The following AMBRA1 variants were observed in gnomAD, a reference collection of about 807,000 sequenced individuals.
AMBRA1 encodes autophagy and beclin 1 regulator 1, also known as activating molecule in BECN1-regulated autophagy protein 1.
AMBRA1 carries 47 observed loss-of-function variants against 125.4 expected under a neutral mutation model. That is an observed-to-expected ratio of 0.37 (90% CI 0.30 to 0.48). AMBRA1 has a LOEUF of 0.48. Among genes scored for constraint, AMBRA1 ranks in the 20% least tolerant of loss-of-function variants. The pLI is 0.99. For synonymous variants in AMBRA1, 626 were observed against 655.5 expected (o/e 0.95, Z 0.69); for missense variants, 1,331 against 1,693.4 (o/e 0.79, Z 3.76).
intron 14 of AMBRA1, among the ~76,000 whole-genome samples, chr11:46,425,373 C>T (rs916131615): frequency 2.0e-5 from 3 of 146,864 alleles, no homozygotes; most frequent in Non-Finnish European, 4.5e-5. Context: ...TTTCTCTGTT[C>T]AGGACAGGGA....
At chr11:46,414,689 C>G (rs550108681) in intron 15 of AMBRA1, among the ~76,000 whole-genome samples, 94 of 152,168 alleles carry the variant, frequency 6.2e-4, no homozygotes, top group African/African-American at 2.2e-3. Flanking sequence ...ACAGCAGCAG[C>G]TTGGGCAGAG....
chr11:46,420,670 T>C (rs1291853053), intron 14 of AMBRA1, among the ~76,000 whole-genome samples: 2 of 152,154 alleles, frequency 1.3e-5, no homozygotes, highest in Non-Finnish European at 2.9e-5. Context: ...ATCTGTTTAG[T>C]TTTCCTTCTC....
intron 11 of AMBRA1, among the ~76,000 whole-genome samples, chr11:46,482,749 G>A (rs956182091): frequency 4.6e-5 from 7 of 152,086 alleles, no homozygotes; most frequent in African/African-American, 1.4e-4. Context: ...AGTGGCTCAC[G>A]CCTGTAATCC....
At chr11:46,477,827 G>A (rs866110344) in intron 11 of AMBRA1, among the ~76,000 whole-genome samples, 1 of 152,110 alleles carries the variant, frequency 6.6e-6, no homozygotes. Flanking sequence ...TGTAATCCCA[G>A]CACTTTGGGA....
chr11:46,441,479 C>T (rs1376496393), intron 12 of AMBRA1, among the ~76,000 whole-genome samples: 3 of 152,062 alleles, frequency 2.0e-5, no homozygotes, highest in Admixed American at 2.0e-4. Context: ...CATGCGACTG[C>T]ACCCCAGCCT....
At chr11:46,467,722 T>C (rs1376604372) in intron 11 of AMBRA1, among the ~76,000 whole-genome samples, 2 of 152,034 alleles carry the variant, frequency 1.3e-5, no homozygotes, top group Non-Finnish European at 2.9e-5. Context: ...TTAGTAGAGA[T>C]GGGATTTCAC....
At chr11:46,576,877 G>A (rs936024033) in intron 1 of AMBRA1, among the ~76,000 whole-genome samples, 1 of 152,306 alleles carries the variant, frequency 6.6e-6, no homozygotes, top group Non-Finnish European at 1.5e-5. Context: ...AAGATGATAG[G>A]AAGTTAAAAC....
intron 17 of AMBRA1, among the ~76,000 whole-genome samples, chr11:46,406,743 G>A (rs1411796612): frequency 6.6e-6 from 1 of 151,888 alleles, no homozygotes. Flanking sequence ...TTAGTTGGGA[G>A]TGGTGGCAGG....
chr11:46,537,528 C>T (rs1952535558), intron 7 of AMBRA1, among the ~76,000 whole-genome samples: 1 of 152,158 alleles, frequency 6.6e-6, no homozygotes, highest in Non-Finnish European at 1.5e-5. Context: ...CGCAAGGAGC[C>T]ACAATACCCT....
At chr11:46,546,328 C>A (rs182914460) in intron 4 of AMBRA1, among the ~76,000 whole-genome samples, 5 of 152,188 alleles carry the variant, frequency 3.3e-5, no homozygotes, top group African/African-American at 1.2e-4. Flanking sequence ...GCGTGAGCCA[C>A]CGCGCCCAGC....
intron 1 of AMBRA1, among the ~76,000 whole-genome samples, chr11:46,577,515 T>C (rs1197221501): frequency 6.6e-6 from 1 of 152,058 alleles, no homozygotes; most frequent in Admixed American, 6.6e-5. Flanking sequence ...TTTGCAGAGA[T>C]GGTAATGTTT....
intron 12 of AMBRA1, 35 bp downstream of exon 12, chr11:46,443,453 C>T: frequency 3.9e-6 from 6 of 1,552,254 alleles, no homozygotes; most frequent in Non-Finnish European, 5.3e-6. Context: ...CAAATATAAC[C>T]CTTCCACTGA....
chr11:46,451,325 C>T (rs2136788417), intron 11 of AMBRA1, among the ~76,000 whole-genome samples: 1 of 152,300 alleles, frequency 6.6e-6, no homozygotes, highest in African/African-American at 2.4e-5. Context: ...CAGAATGTGT[C>T]TAGGGATAAA....
intron 15 of AMBRA1, among the ~76,000 whole-genome samples, chr11:46,416,000 G>A (rs574001855): frequency 2.0e-5 from 3 of 152,338 alleles, no homozygotes; most frequent in Admixed American, 6.5e-5. Context: ...CAAACTGGGT[G>A]TAGATTATTT....
chr11:46,553,469 A>G (rs1031067769), intron 1 of AMBRA1, among the ~76,000 whole-genome samples: 1 of 151,952 alleles, frequency 6.6e-6, no homozygotes, highest in Non-Finnish European at 1.5e-5. Context: ...AAGTTTGGCC[A>G]GGTGCAGTGG....
chr11:46,469,418 A>G (rs1949477618), intron 11 of AMBRA1, among the ~76,000 whole-genome samples: 1 of 152,184 alleles, frequency 6.6e-6, no homozygotes, highest in Admixed American at 6.5e-5. Context: ...AGACTGTAAA[A>G]GAAACATTGG....
At chr11:46,443,467 C>A (rs899833288) in intron 12 of AMBRA1, 21 bp downstream of exon 12, 1 of 1,586,182 alleles carries the variant, frequency 6.3e-7, no homozygotes, top group Non-Finnish European at 8.7e-7. Context: ...CCACTGATAC[C>A]CCCATTTGAC....
rs1457348877 is a variant in AMBRA1 at position 46,420,676 on chromosome 11, T to C, written c.2977-2624A>G. On this transcript the variant is annotated intron_variant, in intron 14 of 17. Coordinates refer to ENST00000683756, the MANE Select transcript of AMBRA1 (RefSeq NM_001387011.1). The stretch of plus-strand genomic sequence containing the variant: ...GATCACTTAATCTGTTTAGTTTTCC[T>C]TCTCCAAAGGTCAGATGGTGTGAGC... Among the ~76,000 whole-genome samples, 10 of 152,330 alleles carry C rather than the reference T, an allele frequency of 6.6e-5. No homozygotes were observed. In the South Asian group the frequency reaches 2.1e-3, roughly 32 times the overall value.
intron 1 of AMBRA1, among the ~76,000 whole-genome samples, chr11:46,584,384 G>C (rs11038929): frequency 1.1e-5 from 1 of 93,778 alleles, no homozygotes; most frequent in Non-Finnish European, 2.0e-5. Flanking sequence ...GGGGTGGGGG[G>C]AGGGGGGAGG....
Sources: gnomAD v4.1 joint callset for allele counts (sites outside exome capture counted in the v4.1 genomes callset) on GRCh38, gnomAD v4.1.1 for gene constraint, MANE v1.5 for transcripts, NCBI Gene and HGNC (gene_info 2026-07-23, HGNC 2026-07-21) for gene names.